The following TSC22D1 variants were observed in gnomAD, a reference collection of about 807,000 sequenced individuals.
The protein encoded by TSC22D1 is TSC22 domain family member 1.
Under a neutral mutation model 74.2 loss-of-function variants are expected in TSC22D1, and 9 were observed. The observed-to-expected ratio is 0.12, with a 90% CI of 0.07 to 0.21. The LOEUF is 0.21. Ranked by LOEUF, TSC22D1 falls within the 10% of genes least tolerant of loss-of-function variation. The pLI is 1.00. For synonymous variants in TSC22D1, 586 were observed against 492.5 expected, an observed-to-expected ratio of 1.19 and a Z score of -2.51; for missense variants, 1,427 against 1,304.7, an observed-to-expected ratio of 1.09 and a Z score of -1.44.
chr13:44,443,546 A>G (rs75608284), intron 1 of TSC22D1, among the ~76,000 whole-genome samples: 1 of 152,198 alleles, frequency 6.6e-6, no homozygotes, highest in East Asian at 1.9e-4. Flanking sequence ...CTTAGTATTT[A>G]AATCTAAGAT....
intron 1 of TSC22D1, among the ~76,000 whole-genome samples, chr13:44,570,207 T>TA (rs1376911383): frequency 1.3e-5 from 2 of 151,012 alleles, no homozygotes; most frequent in Non-Finnish European, 1.5e-5. Flanking sequence ...TTTTTTTTTT[T>TA]AGAGACAGGG....
At chr13:44,541,869 T>G (rs536026875) in intron 1 of TSC22D1, among the ~76,000 whole-genome samples, 6 of 152,254 alleles carry the variant, frequency 3.9e-5, no homozygotes, top group African/African-American at 1.2e-4. Flanking sequence ...TGGAGCTATC[T>G]ACATACATTT....
At chr13:44,530,255 T>A (rs1039998790) in intron 1 of TSC22D1, among the ~76,000 whole-genome samples, 1 of 152,072 alleles carries the variant, frequency 6.6e-6, no homozygotes, top group Admixed American at 6.6e-5. Flanking sequence ...CCACATATAG[T>A]CAACAGACCT....
intron 1 of TSC22D1, among the ~76,000 whole-genome samples, chr13:44,520,944 G>A (rs1002537075): frequency 3.3e-5 from 5 of 152,162 alleles, no homozygotes; most frequent in African/African-American, 9.7e-5. Context: ...ATTAGCCAAT[G>A]TATTCCTCAA....
intron 1 of TSC22D1, among the ~76,000 whole-genome samples, chr13:44,506,492 G>A (rs1879454142): frequency 6.6e-6 from 1 of 152,140 alleles, no homozygotes; most frequent in Non-Finnish European, 1.5e-5. Flanking sequence ...AGGGGGCAGG[G>A]GAGGGACAGC....
chr13:44,562,030 C>T (rs1883075747), intron 1 of TSC22D1, among the ~76,000 whole-genome samples: 1 of 151,974 alleles, frequency 6.6e-6, no homozygotes, highest in African/African-American at 2.4e-5. Context: ...TCAAAATGAC[C>T]TTTAAAAAAT....
chr13:44,523,938 C>G (rs138129764), intron 1 of TSC22D1, among the ~76,000 whole-genome samples: 38 of 152,044 alleles, frequency 2.5e-4, no homozygotes, highest in Non-Finnish European at 4.4e-4. Context: ...CAAAAGGCAA[C>G]AAATCTTTAG....
intron 1 of TSC22D1, among the ~76,000 whole-genome samples, chr13:44,447,833 C>CTTTTT (rs5803260): frequency 6.2e-5 from 8 of 129,458 alleles, no homozygotes; most frequent in South Asian, 2.5e-4. Context: ...AATGCCTTTT[C>CTTTTT]TTTTTTTTTT....
chr13:44,475,910 C>T (rs1877885453), intron 1 of TSC22D1, among the ~76,000 whole-genome samples: 1 of 152,140 alleles, frequency 6.6e-6, no homozygotes, highest in South Asian at 2.1e-4. Context: ...AGATCAACAA[C>T]AAAGCCCAAC....
In TSC22D1 at chr13:44,574,258, G is replaced by A; in HGVS notation, c.1817C>T (p.Pro606Leu). The change falls in exon 1 of 3, where the codon CCA (proline) becomes CTA (leucine). Residue 606 changes from proline to leucine, a missense_variant. Coordinates refer to ENST00000458659, the MANE Select transcript of TSC22D1 (RefSeq NM_183422.4). Reference protein sequence around the residue: ...SISSLAQPQLPYSQAAPPVQT... With the variant: ...SISSLAQPQLLYSQAAPPVQT... ...CACTGGAGGAGCCGCCTGAGAATAT[G>A]GTAGCTGGGGTTGAGCCAAACTGGA... is the stretch of plus-strand genomic sequence containing the variant. 2 of 1,614,208 alleles carry A rather than the reference G, an allele frequency of 1.2e-6. No homozygotes were observed. Among genetic ancestry groups the A allele is most frequent in the South Asian group, 2.2e-5 (2 of 91,086 alleles).
chr13:44,541,010 G>A (rs1359617539), intron 1 of TSC22D1, among the ~76,000 whole-genome samples: 3 of 152,180 alleles, frequency 2.0e-5, no homozygotes, highest in Non-Finnish European at 4.4e-5. Context: ...TCTAGGACAT[G>A]TTATATTTTG....
chr13:44,454,776 C>T (rs1197212635), intron 1 of TSC22D1, among the ~76,000 whole-genome samples: 5 of 152,004 alleles, frequency 3.3e-5, no homozygotes, highest in Non-Finnish European at 5.9e-5. Flanking sequence ...GAAACCAAGG[C>T]GCAAAGGAGT....
At chr13:44,541,735 A>G (rs1881482063) in intron 1 of TSC22D1, among the ~76,000 whole-genome samples, 1 of 152,154 alleles carries the variant, frequency 6.6e-6, no homozygotes, top group Non-Finnish European at 1.5e-5. Flanking sequence ...AATCTTAACA[A>G]ATGCAATCTA....
Position 44,434,597 on chromosome 13 carries a change from A to T in TSC22D1, c.*29T>A, listed in dbSNP as rs1595071988. 1 of 1,513,110 alleles carries T rather than the reference A, an allele frequency of 6.6e-7. No homozygotes were observed. The highest frequency in any genetic ancestry group is 2.3e-5 in the East Asian group (1 of 43,660). The allele number at this position is 1,513,110 out of a possible 1,614,324, so 93.7% of individuals were successfully genotyped here. The stretch of plus-strand genomic sequence containing the variant: ...TTCTCCGTCTGTTCAGTTCACACGC[A>T]GCAGCCAGTTCTGCGGGGGCATAGG... On this transcript the variant is annotated 3_prime_UTR_variant, in exon 3 of 3. Transcript: ENST00000458659.
intron 1 of TSC22D1, among the ~76,000 whole-genome samples, chr13:44,472,499 G>A (rs1877664150): frequency 6.6e-6 from 1 of 152,040 alleles, no homozygotes; most frequent in African/African-American, 2.4e-5. Context: ...AACATATGAG[G>A]ACCTGCTATG....
intron 1 of TSC22D1, among the ~76,000 whole-genome samples, chr13:44,504,341 G>A (rs960124711): frequency 6.6e-6 from 1 of 151,314 alleles, no homozygotes; most frequent in Non-Finnish European, 1.5e-5. Flanking sequence ...GGTGGGCCCA[G>A]TAGCTCATGC....
chr13:44,544,906 AAT>A (rs1453556112), intron 1 of TSC22D1, among the ~76,000 whole-genome samples: 1 of 152,208 alleles, frequency 6.6e-6, no homozygotes, highest in Non-Finnish European at 1.5e-5. Context: ...AACAATCTAC[AAT>A]ATATATATTT....
chr13:44,535,566 A>C (rs994958715), intron 1 of TSC22D1, among the ~76,000 whole-genome samples: 1 of 152,054 alleles, frequency 6.6e-6, no homozygotes, highest in Non-Finnish European at 1.5e-5. Context: ...TAACCTATAA[A>C]GTCAGGACTT....
At chr13:44,475,481 T>G (rs1412267628) in intron 1 of TSC22D1, among the ~76,000 whole-genome samples, 1 of 135,594 alleles carries the variant, frequency 7.4e-6, no homozygotes, top group Non-Finnish European at 1.6e-5. Flanking sequence ...AAAAAAAAAA[T>G]TCAAGAAAGG....
Sources: gnomAD v4.1 joint callset for allele counts (sites outside exome capture counted in the v4.1 genomes callset) on GRCh38, gnomAD v4.1.1 for gene constraint, MANE v1.5 for transcripts, NCBI Gene and HGNC (gene_info 2026-07-23, HGNC 2026-07-21) for gene names.